The following ESRRB variants were observed in gnomAD, a reference collection of about 807,000 sequenced individuals.
ESRRB encodes steroid hormone receptor ERR2.
ESRRB carries 16 observed loss-of-function variants against 46.0 expected under a neutral mutation model. That is an observed-to-expected ratio of 0.35 (90% CI 0.24 to 0.53). ESRRB has a LOEUF of 0.53. ESRRB is among the 20% of genes least tolerant of loss of function. The probability of loss-of-function intolerance (pLI) is 0.93; values close to 1 mark genes in which losing one functional copy is unlikely to be tolerated. For missense variants in ESRRB, 488 were observed against 607.4 expected (o/e 0.80, Z 2.07); for synonymous variants, 246 against 259.6 (o/e 0.95, Z 0.50).
chr14:76,358,330 AGAAAGAAAGAAAGAAAGAAAGAAAG>A (rs1884414904), intron 1 of ESRRB, among the ~76,000 whole-genome samples: 1 of 13,742 alleles, frequency 7.3e-5, no homozygotes, highest in African/African-American at 4.2e-4. Flanking sequence ...AAAAAAAGAA[AGAAAGAAAGAAAGAAAGAAAGAAAG>A]AAAGAAAGAA....
intron 1 of ESRRB, among the ~76,000 whole-genome samples, chr14:76,329,634 T>C (rs761334022): frequency 1.1e-3 from 171 of 152,114 alleles, no homozygotes; most frequent in Non-Finnish European, 2.2e-3. Flanking sequence ...GCGCGGGCTC[T>C]CTTTTCTCCT....
At chr14:76,341,130 C>T (rs906654332) in intron 1 of ESRRB, among the ~76,000 whole-genome samples, 2 of 152,162 alleles carry the variant, frequency 1.3e-5, no homozygotes, top group East Asian at 3.9e-4. Context: ...TTCTCTTGCT[C>T]CTTCCTGTCT....
intron 1 of ESRRB, among the ~76,000 whole-genome samples, chr14:76,358,392 AAAG>A (rs1566859689): frequency 8.1e-6 from 1 of 124,032 alleles, no homozygotes; most frequent in Non-Finnish European, 1.7e-5. Context: ...AGAAAGAAAG[AAAG>A]AAAGAAAGAA....
rs57333539 is a variant in ESRRB, at chr14:76,452,653, C to CA, written c.461-9883dup. 2.5e-4 allele frequency among the ~76,000 whole-genome samples: 30 copies of CA among 120,846 alleles called. 1 individual carries two copies. The highest frequency in any genetic ancestry group is 1.1e-3 in the African/African-American group (26 of 23,434). The allele number at this position is 120,846 out of a possible 152,430, so 79.3% of individuals were successfully genotyped here. A position where few individuals can be genotyped will look rare whatever the true frequency, so the allele number is the denominator to read the frequency against. ...AAAACAAAACAAAAACAAAACAAAACAAAAAAAAAGGTGGATTCATTATTA... is the reference window on the plus strand; with the variant it reads ...AAAACAAAACAAAAACAAAACAAAACAAAAAAAAAAGGTGGATTCATTATTA... On this transcript the variant is annotated intron_variant, in intron 2 of 6. Coordinates refer to ENST00000644823, the MANE Select transcript of ESRRB (RefSeq NM_001379180.1).
chr14:76,478,765 A>G (rs184336781), intron 3 of ESRRB, among the ~76,000 whole-genome samples: 21 of 152,214 alleles, frequency 1.4e-4, no homozygotes, highest in African/African-American at 4.8e-4. Flanking sequence ...TTCTATGTAG[A>G]CATGTCACAG....
At chr14:76,470,763 C>A (rs1412209837) in intron 3 of ESRRB, among the ~76,000 whole-genome samples, 1 of 152,188 alleles carries the variant, frequency 6.6e-6, no homozygotes, top group Non-Finnish European at 1.5e-5. Context: ...TCATAGCTCA[C>A]TGTAACCTCA....
At chr14:76,449,425 C>G (rs1470435914) in intron 2 of ESRRB, among the ~76,000 whole-genome samples, 1 of 152,040 alleles carries the variant, frequency 6.6e-6, no homozygotes, top group Admixed American at 6.5e-5. Context: ...GTGGCACATG[C>G]CTGTAATCCC....
intron 1 of ESRRB, among the ~76,000 whole-genome samples, chr14:76,351,659 C>T (rs1024418558): frequency 2.6e-5 from 4 of 152,186 alleles, no homozygotes; most frequent in Non-Finnish European, 5.9e-5. Context: ...CAGTATACCA[C>T]CTTCTGGGTG....
chr14:76,495,987 C>T (rs1682804841), intron 6 of ESRRB, among the ~76,000 whole-genome samples: 1 of 152,122 alleles, frequency 6.6e-6, no homozygotes, highest in Non-Finnish European at 1.5e-5. Context: ...GTCAGTGAGA[C>T]CTGGGTTCAA....
At chr14:76,497,902 A>G (rs983091150) in intron 6 of ESRRB, among the ~76,000 whole-genome samples, 2 of 152,128 alleles carry the variant, frequency 1.3e-5, no homozygotes, top group Admixed American at 1.3e-4. Flanking sequence ...GAAGTTAATA[A>G]CTTGCCCAAA....
At chr14:76,397,535 A>G (rs1885743486) in intron 1 of ESRRB, among the ~76,000 whole-genome samples, 1 of 152,276 alleles carries the variant, frequency 6.6e-6, no homozygotes, top group East Asian at 1.9e-4. Flanking sequence ...TTCTTTACGG[A>G]GGCTGGGCTT....
chr14:76,356,897 T>G (rs1884385399), intron 1 of ESRRB, among the ~76,000 whole-genome samples: 1 of 152,190 alleles, frequency 6.6e-6, no homozygotes, highest in African/African-American at 2.4e-5. Flanking sequence ...ATGATTTCCA[T>G]CTCTCCTGAG....
At chr14:76,378,778 A>G (rs1884887951) in intron 1 of ESRRB, among the ~76,000 whole-genome samples, 1 of 152,092 alleles carries the variant, frequency 6.6e-6, no homozygotes, top group Non-Finnish European at 1.5e-5. Context: ...TCTGACCTCT[A>G]CCCCATGGCT....
chr14:76,491,702 C>A lies in ESRRB; in HGVS notation c.1106C>A (p.Ala369Asp). Residue 369 changes from alanine to aspartate, a missense_variant, in exon 6 of 7, where the codon GCC becomes GAC. Physicochemically the swap from Ala to Asp is moderately radical, Grantham distance 126 (BLOSUM62 -2). Coordinates refer to ENST00000644823, the MANE Select transcript of ESRRB (RefSeq NM_001379180.1). ...GAGTTTGTGACGCTCAAGGCCCTGG[C>A]CCTCGCCAACTCCGGTAAGGGCGGC... Reference protein sequence around the residue: ...KEEFVTLKALALANSDSMYIE... With the variant: ...KEEFVTLKALDLANSDSMYIE... The A allele has an allele frequency of 6.3e-7, 1 of 1,581,434 alleles. No homozygotes were observed. Among genetic ancestry groups the A allele is most frequent in the Non-Finnish European group, 8.6e-7 (1 of 1,165,526 alleles).
chr14:76,443,523 T>C (rs1888005581), intron 2 of ESRRB, among the ~76,000 whole-genome samples: 1 of 152,214 alleles, frequency 6.6e-6, no homozygotes, highest in Non-Finnish European at 1.5e-5. Context: ...TTAAGTCAAC[T>C]GAAGTTACCA....
At position 76,357,321 on chromosome 14, in the gene ESRRB, CTTTGACT is replaced by C. The variant is rs528428088; in HGVS notation, c.2+46407_2+46413del. On this transcript the variant is annotated intron_variant, in intron 1 of 6. Transcript: ENST00000512784. The stretch of plus-strand genomic sequence containing the variant: ...AGAGCCCTAATAAAACATTCAGAGC[CTTTGACT>C]TAGTCATTTCTCCTCGGACAGCTGA... Among the ~76,000 whole-genome samples the C allele has an allele frequency of 5.1e-4, 78 of 152,304 alleles. 3 individuals carry two copies. In the South Asian group the frequency reaches 0.015, roughly 30 times the overall value.
At chr14:76,481,381 G>A (rs1049076919) in intron 3 of ESRRB, among the ~76,000 whole-genome samples, 7 of 152,322 alleles carry the variant, frequency 4.6e-5, no homozygotes, top group East Asian at 1.9e-4. Flanking sequence ...GGCTGTCTAC[G>A]TGGAGTAGCC....
At chr14:76,378,427 G>A (rs1185931346) in intron 1 of ESRRB, among the ~76,000 whole-genome samples, 1 of 152,176 alleles carries the variant, frequency 6.6e-6, no homozygotes, top group Non-Finnish European at 1.5e-5. Context: ...GGGGGTCTGG[G>A]AAAGGTTTGA....
intron 1 of ESRRB, among the ~76,000 whole-genome samples, chr14:76,344,309 G>A (rs8007387): frequency 0.19 from 28,308 of 152,130 alleles, 3,314 homozygotes; most frequent in Non-Finnish European, 0.26. Flanking sequence ...GGGTACAGGT[G>A]GTATTTGGTT....
Sources: gnomAD v4.1 joint callset for allele counts (sites outside exome capture counted in the v4.1 genomes callset) on GRCh38, gnomAD v4.1.1 for gene constraint, MANE v1.5 for transcripts, NCBI Gene and HGNC (gene_info 2026-07-23, HGNC 2026-07-21) for gene names.